Variants in CTNNA3 observed in about 807,000 individuals in gnomAD.
The protein encoded by CTNNA3 is catenin alpha-3.
Under a neutral mutation model 95.7 loss-of-function variants are expected in CTNNA3, and 76 were observed. That is an observed-to-expected ratio of 0.79 (90% CI 0.66 to 0.96). The LOEUF (loss-of-function observed/expected upper bound fraction) is 0.96. Ranked by LOEUF, CTNNA3 falls within the 40% of genes least tolerant of loss-of-function variation. The pLI is 0.00. For missense variants in CTNNA3, 1,191 were observed against 1,089.8 expected, an observed-to-expected ratio of 1.09 and a Z score of -1.31; for synonymous variants, 431 against 374.4, an observed-to-expected ratio of 1.15 and a Z score of -1.74.
intron 6 of CTNNA3, among the ~76,000 whole-genome samples, chr10:67,196,427 A>G (rs1863372979): frequency 6.6e-6 from 1 of 152,088 alleles, no homozygotes. Flanking sequence ...ACAGAAAAAA[A>G]GAAAATATTT....
intron 13 of CTNNA3, among the ~76,000 whole-genome samples, chr10:66,239,104 A>C (rs2089991931): frequency 6.6e-6 from 1 of 151,870 alleles, no homozygotes; most frequent in South Asian, 2.1e-4. Context: ...AATAAGAACT[A>C]TAATATATTT....
At chr10:67,235,768 G>A (rs376955057) in intron 5 of CTNNA3, among the ~76,000 whole-genome samples, 1 of 143,996 alleles carries the variant, frequency 6.9e-6, no homozygotes, top group African/African-American at 2.7e-5. Flanking sequence ...CTACTCATCT[G>A]ACAAAGGGCT....
At chr10:66,557,805 T>C (rs2132125412) in intron 10 of CTNNA3, among the ~76,000 whole-genome samples, 1 of 152,266 alleles carries the variant, frequency 6.6e-6, no homozygotes, top group East Asian at 1.9e-4. Flanking sequence ...CACTAAGCCT[T>C]ACAATATTCT....
At chr10:66,334,322 T>A (rs1346295378) in intron 12 of CTNNA3, among the ~76,000 whole-genome samples, 1 of 151,980 alleles carries the variant, frequency 6.6e-6, no homozygotes, top group African/African-American at 2.4e-5. Flanking sequence ...CTTCCTAGCC[T>A]CGATAGTCTT....
intron 5 of CTNNA3, among the ~76,000 whole-genome samples, chr10:67,261,951 C>T (rs1033279044): frequency 1.3e-5 from 2 of 152,038 alleles, no homozygotes; most frequent in African/African-American, 2.4e-5. Context: ...AATACTAACA[C>T]AAATGTAGCA....
At chr10:66,742,918 A>C (rs1849375540) in intron 9 of CTNNA3, among the ~76,000 whole-genome samples, 1 of 152,194 alleles carries the variant, frequency 6.6e-6, no homozygotes, top group African/African-American at 2.4e-5. Flanking sequence ...TAGTAGGTTT[A>C]TATTTTACAT....
At chr10:67,488,455 G>C (rs1011831863) in intron 5 of CTNNA3, among the ~76,000 whole-genome samples, 3 of 151,512 alleles carry the variant, frequency 2.0e-5, no homozygotes, top group African/African-American at 4.8e-5. Context: ...CTGCAACCTC[G>C]GCCTCCCAGG....
chr10:67,630,681 T>A (rs1158825476), intron 2 of CTNNA3, among the ~76,000 whole-genome samples: 2 of 152,176 alleles, frequency 1.3e-5, no homozygotes, highest in Admixed American at 6.5e-5. Context: ...CAAGAGGTCC[T>A]ACAATACTTA....
chr10:67,388,002 C>G (rs1167838066), intron 5 of CTNNA3, among the ~76,000 whole-genome samples: 2 of 151,940 alleles, frequency 1.3e-5, no homozygotes, highest in South Asian at 2.1e-4. Flanking sequence ...AAGCAGAGGG[C>G]CTCTCCTCCT....
intron 12 of CTNNA3, among the ~76,000 whole-genome samples, chr10:66,317,698 A>G (rs1436481777): frequency 6.7e-6 from 1 of 148,528 alleles, no homozygotes; most frequent in Non-Finnish European, 1.5e-5. Flanking sequence ...ATTTAAAATG[A>G]GAAAAGAAAT....
intron 7 of CTNNA3, among the ~76,000 whole-genome samples, chr10:66,825,524 C>T (rs891001775): frequency 2.6e-5 from 4 of 151,862 alleles, no homozygotes; most frequent in Non-Finnish European, 5.9e-5. Context: ...GTGATCTACC[C>T]GCCTCAGCCT....
chr10:67,686,562 T>C (rs1188055864), intron 1 of CTNNA3, among the ~76,000 whole-genome samples: 1 of 152,176 alleles, frequency 6.6e-6, no homozygotes, highest in Admixed American at 6.5e-5. Context: ...CTGATAACCA[T>C]AAACTTCCTT....
At chr10:66,237,563 A>ATTT (rs35983423) in intron 13 of CTNNA3, among the ~76,000 whole-genome samples, 49 of 149,728 alleles carry the variant, frequency 3.3e-4, no homozygotes, top group South Asian at 1.9e-3. Context: ...GAGTTTTGTG[A>ATTT]TTTTTTTTTT....
intron 10 of CTNNA3, among the ~76,000 whole-genome samples, chr10:66,531,564 T>G (rs1841466782): frequency 6.6e-6 from 1 of 152,108 alleles, no homozygotes; most frequent in Admixed American, 6.6e-5. Context: ...ATAAAGATAA[T>G]TTGAAAATAA....
chr10:67,691,396 T>C (rs921404541), intron 1 of CTNNA3, among the ~76,000 whole-genome samples: 1 of 148,418 alleles, frequency 6.7e-6, no homozygotes, highest in African/African-American at 2.5e-5. Context: ...CTGCCCAGTC[T>C]GGAAAGTGAG....
intron 5 of CTNNA3, among the ~76,000 whole-genome samples, chr10:67,376,353 T>C (rs1156931440): frequency 2.0e-5 from 3 of 152,196 alleles, no homozygotes; most frequent in African/African-American, 4.8e-5. Flanking sequence ...TAGTGGAGTC[T>C]GGCAAAAGAG....
intron 9 of CTNNA3, among the ~76,000 whole-genome samples, chr10:66,685,283 A>ATGTG (rs1564617267): frequency 7.3e-5 from 2 of 27,430 alleles, no homozygotes; most frequent in African/African-American, 4.6e-4. Context: ...ACGTATATAT[A>ATGTG]AGTATATATA....
intron 9 of CTNNA3, among the ~76,000 whole-genome samples, chr10:66,641,086 T>C (rs1845501921): frequency 1.3e-5 from 2 of 152,140 alleles, no homozygotes; most frequent in African/African-American, 4.8e-5. Context: ...TAGTAGAGTG[T>C]TGTTTATAAC....
At chr10:66,550,736 T>A in intron 10 of CTNNA3, among the ~76,000 whole-genome samples, 1 of 152,288 alleles carries the variant, frequency 6.6e-6, no homozygotes, top group Non-Finnish European at 1.5e-5. Flanking sequence ...TATTTGAATA[T>A]TTTTATTATC....
Sources: allele counts gnomAD v4.1 joint callset (sites outside exome capture counted in the v4.1 genomes callset), GRCh38; gene constraint gnomAD v4.1.1; transcripts MANE v1.5; gene names NCBI Gene and HGNC (gene_info 2026-07-23, HGNC 2026-07-21).